The following EXOC4 variants were observed in gnomAD, a reference collection of about 807,000 sequenced individuals.
EXOC4 encodes SEC8-like 1.
Under a neutral mutation model 107.2 loss-of-function variants are expected in EXOC4, and 71 were observed. That is an observed-to-expected ratio of 0.66 (90% CI 0.55 to 0.81). EXOC4 has a LOEUF of 0.81. Among genes scored for constraint, EXOC4 ranks in the 30% least tolerant of loss-of-function variants. EXOC4 has a pLI of 0.00. For synonymous variants in EXOC4, 456 were observed against 441.2 expected (o/e 1.03, Z -0.42); for missense variants, 1,108 against 1,189.6 (o/e 0.93, Z 1.01).
chr7:133,796,525 C>T (rs930636382), intron 10 of EXOC4, among the ~76,000 whole-genome samples: 15 of 152,038 alleles, frequency 9.9e-5, no homozygotes, highest in African/African-American at 3.1e-4. Context: ...TTTGGGAGGC[C>T]GAGGTGGGCG....
intron 6 of EXOC4, among the ~76,000 whole-genome samples, chr7:133,359,010 G>A (rs921797905): frequency 6.6e-6 from 1 of 152,156 alleles, no homozygotes; most frequent in Non-Finnish European, 1.5e-5. Context: ...TGAATGAGCT[G>A]TTTGCCTTGG....
intron 17 of EXOC4, among the ~76,000 whole-genome samples, chr7:134,046,620 C>A (rs943144878): frequency 6.6e-6 from 1 of 151,562 alleles, no homozygotes; most frequent in African/African-American, 2.4e-5. Context: ...TACGTGGTCC[C>A]CTGAGCCCGG....
At chr7:133,455,693 A>G (rs540210622) in intron 7 of EXOC4, among the ~76,000 whole-genome samples, 1 of 152,338 alleles carries the variant, frequency 6.6e-6, no homozygotes, top group Non-Finnish European at 1.5e-5. Context: ...TGTCCAATGA[A>G]TAAGTGCTGA....
chr7:134,012,729 C>G (rs2116372537), intron 17 of EXOC4, among the ~76,000 whole-genome samples: 1 of 152,172 alleles, frequency 6.6e-6, no homozygotes, highest in Non-Finnish European at 1.5e-5. Flanking sequence ...TCAATAGGAG[C>G]ACAAGTAGAT....
intron 5 of EXOC4, among the ~76,000 whole-genome samples, chr7:133,348,074 A>G (rs1487682092): frequency 2.0e-5 from 3 of 152,184 alleles, no homozygotes; most frequent in African/African-American, 7.2e-5. Flanking sequence ...TTCTGATGTG[A>G]GACTTTACTG....
At chr7:133,822,727 C>T (rs1334142401) in intron 11 of EXOC4, among the ~76,000 whole-genome samples, 2 of 152,164 alleles carry the variant, frequency 1.3e-5, no homozygotes, top group East Asian at 1.9e-4. Flanking sequence ...TCACTCCACT[C>T]TGGAAATCTC....
intron 9 of EXOC4, among the ~76,000 whole-genome samples, chr7:133,575,771 C>T (rs979359971): frequency 2.2e-4 from 34 of 152,180 alleles, no homozygotes; most frequent in African/African-American, 8.2e-4. Context: ...GTGGTTATAA[C>T]ATTTCTCTGA....
chr7:133,438,096 T>C (rs1798016905), intron 7 of EXOC4, among the ~76,000 whole-genome samples: 1 of 152,232 alleles, frequency 6.6e-6, no homozygotes, highest in Non-Finnish European at 1.5e-5. Flanking sequence ...CTCTTCTCCA[T>C]ATTTAGTTCA....
intron 10 of EXOC4, among the ~76,000 whole-genome samples, chr7:133,807,331 A>T (rs1193731829): frequency 1.3e-5 from 2 of 152,230 alleles, no homozygotes; most frequent in Non-Finnish European, 2.9e-5. Flanking sequence ...AAGAATCCAT[A>T]TAAAGCTCTT....
intron 3 of EXOC4, 108 bp downstream of exon 3, chr7:133,289,224 T>C (rs1201030051): frequency 4.4e-6 from 4 of 902,840 alleles, no homozygotes; most frequent in African/African-American, 1.7e-5. Context: ...AACTGCCCTC[T>C]TGGGATTCAT....
intron 9 of EXOC4, among the ~76,000 whole-genome samples, chr7:133,549,063 G>T (rs928500943): frequency 6.6e-6 from 1 of 152,178 alleles, no homozygotes; most frequent in Admixed American, 6.5e-5. Context: ...GAGTGCAGTG[G>T]CACGATCTTG....
At chr7:133,758,986 G>A (rs897806310) in intron 10 of EXOC4, among the ~76,000 whole-genome samples, 4 of 152,098 alleles carry the variant, frequency 2.6e-5, no homozygotes, top group African/African-American at 7.2e-5. Context: ...AGGGTAAAGA[G>A]GAATAAGGAG....
intron 1 of EXOC4, among the ~76,000 whole-genome samples, chr7:133,263,765 G>C (rs1206836857): frequency 1.6e-5 from 1 of 60,820 alleles, no homozygotes; most frequent in African/African-American, 6.9e-5. Flanking sequence ...GTATATGTTG[G>C]GGGGAGGGAA....
chr7:133,861,914 A>C (rs1330602217), intron 11 of EXOC4, among the ~76,000 whole-genome samples: 1 of 152,304 alleles, frequency 6.6e-6, no homozygotes, highest in East Asian at 1.9e-4. Flanking sequence ...ACACTGGTTT[A>C]GAGGACAGGT....
intron 10 of EXOC4, among the ~76,000 whole-genome samples, chr7:133,633,863 C>T (rs963506755): frequency 6.6e-6 from 1 of 152,134 alleles, no homozygotes; most frequent in Admixed American, 6.6e-5. Context: ...GAATCCCTTT[C>T]AAGTGCGTAG....
intron 10 of EXOC4, among the ~76,000 whole-genome samples, chr7:133,677,705 T>C (rs1173478162): frequency 6.6e-6 from 1 of 152,254 alleles, no homozygotes; most frequent in Admixed American, 6.5e-5. Context: ...AGAGCTTATC[T>C]CTACTTTCTC....
At chr7:133,549,813 A>T (rs1298766095) in intron 9 of EXOC4, among the ~76,000 whole-genome samples, 1 of 152,190 alleles carries the variant, frequency 6.6e-6, no homozygotes, top group African/African-American at 2.4e-5. Context: ...CTGGAACATG[A>T]CTTTAAGCCT....
At chr7:133,291,348 C>G (rs1000083518) in intron 3 of EXOC4, among the ~76,000 whole-genome samples, 2 of 149,840 alleles carry the variant, frequency 1.3e-5, no homozygotes, top group African/African-American at 4.9e-5. Context: ...TAATGCAAAA[C>G]AATTTCTCAA....
At chr7:133,481,222 CAG>C (rs2150861185) in intron 9 of EXOC4, 1 of 151,590 alleles carries the variant, frequency 6.6e-6, no homozygotes, top group Admixed American at 6.6e-5. Flanking sequence ...CATACACACA[CAG>C]AGATACACAC....
Sources: allele counts gnomAD v4.1 joint callset (sites outside exome capture counted in the v4.1 genomes callset), GRCh38; gene constraint gnomAD v4.1.1; transcripts MANE v1.5; gene names NCBI Gene and HGNC (gene_info 2026-07-23, HGNC 2026-07-21).